The following SBNO1 variants were observed in gnomAD, a reference collection of about 807,000 sequenced individuals.
The protein encoded by SBNO1 is protein strawberry notch homolog 1.
In SBNO1, 23 loss-of-function variants were observed where a neutral mutation model predicts 173.6. That is an observed-to-expected ratio of 0.13 (90% confidence interval 0.10 to 0.19). The LOEUF (loss-of-function observed/expected upper bound fraction) is 0.19. Ranked by LOEUF, SBNO1 falls within the 10% of genes least tolerant of loss-of-function variation. The pLI is 1.00. For synonymous variants in SBNO1, 632 were observed against 571.5 expected (o/e 1.11, Z -1.51); for missense variants, 1,238 against 1,671.2 (o/e 0.74, Z 4.52).
intron 12 of SBNO1, 21 bp downstream of exon 12, chr12:123,327,684 GTA>G (rs1414343261): frequency 1.3e-6 from 2 of 1,588,912 alleles, no homozygotes; most frequent in Non-Finnish European, 1.7e-6. Context: ...ACTGAGAAGA[GTA>G]TATACCGTAA....
chr12:123,305,206 A>G (rs1320012747), intron 28 of SBNO1, among the ~76,000 whole-genome samples: 1 of 152,216 alleles, frequency 6.6e-6, no homozygotes, highest in African/African-American at 2.4e-5. Context: ...TCTCCTTTCA[A>G]GTTAACAATA....
intron 17 of SBNO1, among the ~76,000 whole-genome samples, chr12:123,321,220 T>A (rs1869935216): frequency 6.6e-6 from 1 of 152,204 alleles, no homozygotes; most frequent in Non-Finnish European, 1.5e-5. Flanking sequence ...ATTACAGGCA[T>A]GAGCCACCGC....
chr12:123,323,616 A>C, intron 16 of SBNO1, 64 bp downstream of exon 16: 3 of 1,257,084 alleles, frequency 2.4e-6, no homozygotes, highest in South Asian at 3.0e-5. Flanking sequence ...AGCCTCCCAA[A>C]GTGCTGGGAT....
rs781701508 is a variant in SBNO1, at chr12:123,320,415, G to C, written c.2667+17C>G. The C allele has an allele frequency of 9.4e-6, 15 of 1,596,512 alleles. No homozygotes were observed. The highest frequency in any genetic ancestry group is 1.7e-4 in the Middle Eastern group (1 of 5,976). ...TCAAATGGCAAAAATGTCACCAAGA[G>C]ATACAGGCCTATTTACCTCAGCAAC... On this transcript the variant is annotated intron_variant, in intron 19 of 31. Transcript: ENST00000602398.
At chr12:123,348,593 T>C (rs1873499316) in intron 2 of SBNO1, among the ~76,000 whole-genome samples, 1 of 152,228 alleles carries the variant, frequency 6.6e-6, no homozygotes, top group South Asian at 2.1e-4. Flanking sequence ...GGTGAAACCC[T>C]GTCTCTACTA....
At chr12:123,348,619 C>T (rs1477090950) in intron 2 of SBNO1, among the ~76,000 whole-genome samples, 1 of 152,028 alleles carries the variant, frequency 6.6e-6, no homozygotes, top group African/African-American at 2.4e-5. Flanking sequence ...ACAAAAAATT[C>T]ACCGAGTGTG....
intron 24 of SBNO1, among the ~76,000 whole-genome samples, chr12:123,311,712 C>CTATATATATATA (rs1468911576): frequency 4.3e-5 from 3 of 69,066 alleles, no homozygotes; most frequent in Admixed American, 1.5e-4. Flanking sequence ...ATCTATCTAT[C>CTATATATATATA]TATCTATCTA....
Position 123,309,296 on chromosome 12 carries a change from A to G in SBNO1, c.3630+14T>C, listed in dbSNP as rs2048998328. On this transcript the variant is annotated intron_variant, in intron 28 of 31. Coordinates refer to ENST00000602398, the MANE Select transcript of SBNO1 (RefSeq NM_001167856.3). ...TATTATATATCTGAATAGAATTTAA[A>G]GGAAAAGTCGTACTTGCAATGACAA... is the stretch of plus-strand genomic sequence containing the variant. 1 of 1,597,468 alleles carries G rather than the reference A, an allele frequency of 6.3e-7. No individual in the cohort carries two copies. The highest frequency in any genetic ancestry group is 1.1e-5 in the South Asian group (1 of 90,640).
chr12:123,364,550 G>A, intron 1 of SBNO1, 151 bp downstream of exon 1: 1 of 983,682 alleles, frequency 1.0e-6, no homozygotes, highest in Non-Finnish European at 1.2e-6. Context: ...GCGCGCGGCC[G>A]CGAGGAGCGG....
At chr12:123,336,359 T>G (rs772518619) in intron 6 of SBNO1, 36 bp downstream of exon 6, 2 of 1,261,998 alleles carry the variant, frequency 1.6e-6, no homozygotes, top group South Asian at 2.6e-5. Flanking sequence ...ACAGGAAAAC[T>G]TTGATGTAAA....
At chr12:123,359,290 G>A (rs1874844577) in intron 1 of SBNO1, among the ~76,000 whole-genome samples, 1 of 149,408 alleles carries the variant, frequency 6.7e-6, no homozygotes, top group Non-Finnish European at 1.5e-5. Context: ...GCTCACTCCT[G>A]TAATCCCAGC....
In SBNO1 at chr12:123,292,093, C is replaced by T. The variant is rs1229216034; in HGVS notation, c.*3815G>A. The T allele has an allele frequency of 6.6e-6, 1 of 151,264 alleles. No individual in the cohort carries two copies. The highest frequency in any genetic ancestry group is 2.4e-5 in the African/African-American group (1 of 41,120). The allele number at this position is 151,264 out of a possible 1,614,324, so 9.4% of individuals were successfully genotyped here. A position where few individuals can be genotyped will look rare whatever the true frequency, so the allele number is the denominator to read the frequency against. On this transcript the variant is annotated 3_prime_UTR_variant, in exon 32 of 32. Coordinates refer to ENST00000602398, the MANE Select transcript of SBNO1 (RefSeq NM_001167856.3). ...TGAAACGCTTGCTACGTTTCTGCAG[C>T]AAAGTGGGCCGAGCGCAGTACGCAC...
chr12:123,346,474 C>A (rs1228544248), intron 3 of SBNO1, among the ~76,000 whole-genome samples: 1 of 151,046 alleles, frequency 6.6e-6, no homozygotes, highest in Non-Finnish European at 1.5e-5. Context: ...ACCATCCTGG[C>A]TAACACGGTG....
rs116998155 is a variant in SBNO1, at chr12:123,351,792, G to A, written c.1-1351C>T. On this transcript the variant is annotated intron_variant, in intron 1 of 31. Transcript: ENST00000602398. The stretch of plus-strand genomic sequence containing the variant: ...AGAAAGAAGGGGAAATGGAATCCAA[G>A]ATACTTAGGGAGCTAAATCCATCAC... 8.8e-3 allele frequency among the ~76,000 whole-genome samples: 1,347 copies of A among 152,278 alleles called. 9 individuals are homozygous for A. Among genetic ancestry groups the A allele is most frequent in the Non-Finnish European group, 0.014 (978 of 68,026 alleles).
Position 123,341,026 on chromosome 12 carries a change from T to A in SBNO1, c.613A>T (p.Ile205Leu), listed in dbSNP as rs368812048. Residue 205 changes from isoleucine to leucine, a missense_variant, in exon 5 of 32, where the codon ATA becomes TTA. Transcript: ENST00000602398. Reference sequence around the variant, plus strand: ...AAACTCCTCATCTTCATGTCGTTTATCCACATTCTAGCTCCTTCTTTATTA... The same window carrying A: ...AAACTCCTCATCTTCATGTCGTTTAACCACATTCTAGCTCCTTCTTTATTA... ...SSNKEGARMW[I>L]NDMKMRSFSP... 33 of 1,603,940 alleles carry A rather than the reference T, an allele frequency of 2.1e-5. No homozygotes were observed. The highest frequency in any genetic ancestry group is 2.6e-5 in the Non-Finnish European group (31 of 1,174,616).
Position 123,345,565 on chromosome 12 carries a change from C to T in SBNO1, c.243G>A (p.Gln81=). 1.2e-6 allele frequency: 2 copies of T among 1,612,364 alleles called. No homozygotes were observed. Among genetic ancestry groups the T allele is most frequent in the African/African-American group, 1.3e-5 (1 of 74,956 alleles). The change falls in exon 4 of 32, where the codon CAG becomes CAA. Residue 81 remains glutamine, a synonymous_variant. Coordinates refer to ENST00000602398, the MANE Select transcript of SBNO1 (RefSeq NM_001167856.3). ...PTPALLNVRQ[Q]PPSTTTFVLN... Reference sequence around the variant, plus strand: ...GCACAAATGTTGTAGTAGATGGAGGCTGCTGCTAGATAGAAAACAAAAAAC... The same window carrying T: ...GCACAAATGTTGTAGTAGATGGAGGTTGCTGCTAGATAGAAAACAAAAAAC...
At chr12:123,352,266 TTAAG>T (rs1413885810) in intron 1 of SBNO1, among the ~76,000 whole-genome samples, 4 of 152,200 alleles carry the variant, frequency 2.6e-5, no homozygotes, top group Admixed American at 6.5e-5. Flanking sequence ...TGTGATAAAA[TTAAG>T]TGTCAGTGTT....
At chr12:123,335,482 G>A (rs907298822) in intron 6 of SBNO1, among the ~76,000 whole-genome samples, 3 of 152,120 alleles carry the variant, frequency 2.0e-5, no homozygotes, top group African/African-American at 7.2e-5. Context: ...AAAAGTATTC[G>A]AAAGACAACT....
intron 7 of SBNO1, among the ~76,000 whole-genome samples, chr12:123,333,497 A>G (rs1352124751): frequency 6.6e-6 from 1 of 151,996 alleles, no homozygotes; most frequent in East Asian, 1.9e-4. Flanking sequence ...ACACATATAC[A>G]TATATATAAT....
Sources: allele counts gnomAD v4.1 joint callset (sites outside exome capture counted in the v4.1 genomes callset), GRCh38; gene constraint gnomAD v4.1.1; transcripts MANE v1.5; gene names NCBI Gene and HGNC (gene_info 2026-07-23, HGNC 2026-07-21).